COMMD6: variants seen among roughly 807,000 people sequenced by gnomAD.
COMMD6 encodes COMM domain-containing protein 6.
In COMMD6, 11 loss-of-function variants were observed where a neutral mutation model predicts 13.4. The ratio of observed to expected loss-of-function variants is 0.82; its 90% confidence interval spans 0.52 to 1.36. COMMD6 has a LOEUF of 1.36. Ranked by LOEUF, COMMD6 falls within the 40% of genes most tolerant of loss-of-function variation. The pLI, the probability that COMMD6 is intolerant of heterozygous loss-of-function variation, is 0.00. For synonymous variants in COMMD6, 43 were observed against 36.5 expected (o/e 1.18, Z -0.64); for missense variants, 124 against 102.4 (o/e 1.21, Z -0.91).
intron 2 of COMMD6, 33 bp downstream of exon 2, chr13:75,537,631 G>C: frequency 6.2e-7 from 1 of 1,613,682 alleles, no homozygotes. Context: ...AGGCAGGCTG[G>C]CGGAGGACAG....
chr13:75,528,563 T>G (rs919946689), intron 3 of COMMD6, among the ~76,000 whole-genome samples: 1 of 152,130 alleles, frequency 6.6e-6, no homozygotes, highest in African/African-American at 2.4e-5. Flanking sequence ...ATTCCAGCAC[T>G]TTGGGAGGCT....
At chr13:75,546,212 A>G (rs1040796177) in intron 1 of COMMD6, among the ~76,000 whole-genome samples, 1 of 152,250 alleles carries the variant, frequency 6.6e-6, no homozygotes, top group Non-Finnish European at 1.5e-5. Flanking sequence ...CAAAACAAAA[A>G]GTTACTGGGT....
At chr13:75,527,149 C>T (rs2030292415) in intron 3 of COMMD6, among the ~76,000 whole-genome samples, 1 of 152,196 alleles carries the variant, frequency 6.6e-6, no homozygotes, top group Admixed American at 6.5e-5. Flanking sequence ...CTATAGAAGT[C>T]ATCTTCTTTT....
At chr13:75,537,722 C>T (rs1238093349) in intron 1 of COMMD6, 42 bp downstream of exon 1, 5 of 1,613,898 alleles carry the variant, frequency 3.1e-6, no homozygotes, top group Non-Finnish European at 3.4e-6. Context: ...CTTTCTTGCT[C>T]CAGAGCCTCG....
At chr13:75,529,487 C>T (rs535223392) in intron 3 of COMMD6, among the ~76,000 whole-genome samples, 4 of 145,438 alleles carry the variant, frequency 2.8e-5, no homozygotes, top group South Asian at 2.2e-4. Flanking sequence ...TGCCACTGCA[C>T]TCCAGCCTGG....
At chr13:75,527,167 A>G (rs780799021) in intron 3 of COMMD6, among the ~76,000 whole-genome samples, 6 of 152,210 alleles carry the variant, frequency 3.9e-5, no homozygotes, top group Admixed American at 2.6e-4. Context: ...TTTAAATCTC[A>G]GGTAAGAAAG....
Position 75,533,573 on chromosome 13 carries a change from A to G in COMMD6, c.55-3307T>C, listed in dbSNP as rs75869121. On this transcript the variant is annotated intron_variant, in intron 2 of 3. Coordinates refer to ENST00000682242, the MANE Select transcript of COMMD6 (RefSeq NM_203495.4). ...AACAGAGCGAGACCCCAAATCTGAA[A>G]AAAAAAAAAAAAAAAGAGAGAGAGA... Among the ~76,000 whole-genome samples the G allele has an allele frequency of 1.9e-3, 285 of 147,986 alleles. 1 individual carries two copies. The highest frequency in any genetic ancestry group is 5.1e-3 in the South Asian group (24 of 4,698).
At chr13:75,548,750 T>C (rs534901656) in intron 1 of COMMD6, among the ~76,000 whole-genome samples, 14 of 152,348 alleles carry the variant, frequency 9.2e-5, no homozygotes, top group South Asian at 4.1e-4. Flanking sequence ...GGATAAATAA[T>C]GTGAAGAAGA....
At chr13:75,537,596 G>A (rs1307847547) in intron 2 of COMMD6, 68 bp downstream of exon 2, 61 of 1,612,072 alleles carry the variant, frequency 3.8e-5, no homozygotes, top group Non-Finnish European at 5.2e-5. Flanking sequence ...GAAGGCTCAG[G>A]GTGGCACGGC....
chr13:75,545,874 T>C (rs921361549), intron 1 of COMMD6, among the ~76,000 whole-genome samples: 1 of 152,212 alleles, frequency 6.6e-6, no homozygotes, highest in African/African-American at 2.4e-5. Context: ...TACACTTCTA[T>C]AGAGTTATGA....
In COMMD6 at chr13:75,525,553, A is replaced by C. The variant is rs574065113; in HGVS notation, c.*1036T>G. The C allele has an allele frequency of 6.6e-6, 1 of 152,236 alleles. No homozygotes were observed. The highest frequency in any genetic ancestry group is 1.5e-5 in the Non-Finnish European group (1 of 68,056). The allele number at this position is 152,236 out of a possible 1,614,324, so 9.4% of individuals were successfully genotyped here. ...TGGCATCCAGAGGGTGGGTAATAGA[A>C]ATGTCTGTGGGTAGTTGGTATGCAC... On this transcript the variant is annotated 3_prime_UTR_variant, in exon 4 of 4. Transcript: ENST00000682242.
Position 75,536,630 on chromosome 13 carries a change from C to A in COMMD6, c.54+1034G>T, listed in dbSNP as rs116259533. Among the ~76,000 whole-genome samples, 885 of 152,258 alleles carry A rather than the reference C, an allele frequency of 5.8e-3. 8 individuals are homozygous for A. The highest frequency in any genetic ancestry group is 0.02 in the African/African-American group (846 of 41,546). ...GAATGATGTGCTTTGAAGATGGAAGCAGAGGCCACAAGCTAAGGAGGAAAC... is the reference window on the plus strand; with the variant it reads ...GAATGATGTGCTTTGAAGATGGAAGAAGAGGCCACAAGCTAAGGAGGAAAC... On this transcript the variant is annotated intron_variant, in intron 2 of 3. Coordinates refer to ENST00000682242, the MANE Select transcript of COMMD6 (RefSeq NM_203495.4).
At chr13:75,529,343 ACC>A (rs1204321035) in intron 3 of COMMD6, among the ~76,000 whole-genome samples, 1 of 151,996 alleles carries the variant, frequency 6.6e-6, no homozygotes, top group African/African-American at 2.4e-5. Flanking sequence ...ACATGGTGAA[ACC>A]CCATCTCTAC....
intron 1 of COMMD6, among the ~76,000 whole-genome samples, chr13:75,547,556 A>G (rs2030924336): frequency 6.6e-6 from 1 of 152,308 alleles, no homozygotes; most frequent in South Asian, 2.1e-4. Context: ...GACTTATTGA[A>G]TCAAAATCTG....
intron 1 of COMMD6, among the ~76,000 whole-genome samples, chr13:75,545,783 T>C (rs2030896916): frequency 2.0e-5 from 3 of 152,166 alleles, no homozygotes; most frequent in Non-Finnish European, 4.4e-5. Context: ...AGATGGCTTC[T>C]TAAAGTGATA....
upstream of COMMD6, among the ~76,000 whole-genome samples, chr13:75,541,223 C>T (rs2030820505): frequency 6.6e-6 from 1 of 152,186 alleles, no homozygotes; most frequent in Non-Finnish European, 1.5e-5. Context: ...GAAATTCTAA[C>T]TTGAGCTAGC....
At position 75,525,807 on chromosome 13, in the gene COMMD6, T is replaced by C. The variant is rs1465728086; in HGVS notation, c.*782A>G. 1 of 152,264 alleles carries C rather than the reference T, an allele frequency of 6.6e-6. No homozygotes were observed. The allele number at this position is 152,264 out of a possible 1,614,324, so 9.4% of individuals were successfully genotyped here. On this transcript the variant is annotated 3_prime_UTR_variant, in exon 4 of 4. Transcript: ENST00000682242. The stretch of plus-strand genomic sequence containing the variant: ...ATCTATTTCTAGGCCATCTATTCTA[T>C]TCCGGTGGTCTATTTGCTTACTTCT...
At chr13:75,532,010 A>G (rs1041007) in intron 2 of COMMD6, among the ~76,000 whole-genome samples, 146,861 of 152,372 alleles carry the variant, frequency 0.96, 70,788 homozygotes, top group East Asian at 1. Context: ...ATGAACTTCA[A>G]TTACACGTAA....
At chr13:75,537,958 T>G (rs1466707727), upstream of COMMD6, 3 of 700,048 alleles carry the variant, frequency 4.3e-6, no homozygotes, top group African/African-American at 5.3e-5. Context: ...TATTTTTTCT[T>G]AATTCAACAT....
Sources: allele counts gnomAD v4.1 joint callset (sites outside exome capture counted in the v4.1 genomes callset), GRCh38; gene constraint gnomAD v4.1.1; transcripts MANE v1.5; gene names NCBI Gene and HGNC (gene_info 2026-07-23, HGNC 2026-07-21).